CCDC149: variants seen among roughly 807,000 people sequenced by gnomAD.
CCDC149 encodes the protein coiled-coil domain-containing protein 149.
Under a neutral mutation model 59.9 loss-of-function variants are expected in CCDC149, and 45 were observed. The observed-to-expected ratio is 0.75, with a 90% CI of 0.59 to 0.96. The LOEUF (loss-of-function observed/expected upper bound fraction) is 0.96. CCDC149 is among the 40% of genes least tolerant of loss of function. The pLI is 0.00. For missense variants in CCDC149, 584 were observed against 664.7 expected, an observed-to-expected ratio of 0.88 and a Z score of 1.33; for synonymous variants, 245 against 260.6, an observed-to-expected ratio of 0.94 and a Z score of 0.58.
chr4:24,929,902 C>A (rs1534297), intron 1 of CCDC149, among the ~76,000 whole-genome samples: 15,206 of 152,202 alleles, frequency 0.1, 1,391 homozygotes, highest in East Asian at 0.28. Flanking sequence ...CCCCATCAAC[C>A]AACAAGCATG....
At chr4:24,962,071 G>C (rs1428491032) in intron 1 of CCDC149, among the ~76,000 whole-genome samples, 1 of 150,992 alleles carries the variant, frequency 6.6e-6, no homozygotes, top group Non-Finnish European at 1.5e-5. Context: ...TCTGACAAAG[G>C]GCTAATATCC....
At chr4:24,876,132 C>T (rs73250610) in intron 2 of CCDC149, among the ~76,000 whole-genome samples, 54,469 of 151,552 alleles carry the variant, frequency 0.36, 9,875 homozygotes, top group Admixed American at 0.42. Context: ...GCTATGAGAT[C>T]AAAAAAACAA....
intron 4 of CCDC149, among the ~76,000 whole-genome samples, chr4:24,849,921 G>A (rs1476810749): frequency 1.3e-5 from 2 of 152,170 alleles, no homozygotes; most frequent in Non-Finnish European, 2.9e-5. Context: ...CAAGGAGCAG[G>A]ACACTTATCC....
chr4:24,954,957 T>C (rs1171139905), intron 1 of CCDC149, among the ~76,000 whole-genome samples: 3 of 152,318 alleles, frequency 2.0e-5, no homozygotes, highest in Admixed American at 6.5e-5. Context: ...CCCTTTTAAT[T>C]ATAAATTAAA....
At chr4:24,835,178 C>G in intron 7 of CCDC149, 146 bp from the exon 8 acceptor site, 2 of 552,948 alleles carry the variant, frequency 3.6e-6, no homozygotes, top group Non-Finnish European at 3.2e-6. Flanking sequence ...AAGTCTACGC[C>G]CAAGAGTTAT....
At chr4:24,924,731 A>T (rs1036891864) in intron 1 of CCDC149, among the ~76,000 whole-genome samples, 1 of 152,174 alleles carries the variant, frequency 6.6e-6, no homozygotes, top group East Asian at 1.9e-4. Context: ...GCCTTTCATC[A>T]TCTATTCTTG....
chr4:24,899,568 G>C (rs923939437), intron 1 of CCDC149, among the ~76,000 whole-genome samples: 2 of 152,118 alleles, frequency 1.3e-5, no homozygotes, highest in African/African-American at 4.8e-5. Context: ...GCATTATCAG[G>C]GGCAGTGAAG....
intron 11 of CCDC149, 33 bp from the exon 12 acceptor site, chr4:24,820,008 T>C (rs1560200920): frequency 8.8e-6 from 13 of 1,484,526 alleles, no homozygotes; most frequent in Admixed American, 2.0e-5. Flanking sequence ...GGATGTCTTA[T>C]ATCATCAGTG....
At chr4:24,804,569 C>T (rs1214982704), downstream of CCDC149, among the ~76,000 whole-genome samples, 1 of 151,876 alleles carries the variant, frequency 6.6e-6, no homozygotes, top group African/African-American at 2.4e-5. Flanking sequence ...AAGAGGGCAC[C>T]CCATTTTTTT....
chr4:24,974,592 T>C (rs987933241), intron 1 of CCDC149, among the ~76,000 whole-genome samples: 2 of 152,214 alleles, frequency 1.3e-5, no homozygotes, highest in Non-Finnish European at 2.9e-5. Flanking sequence ...GGCTTTCTTT[T>C]TTCCTTCTCA....
intron 1 of CCDC149, among the ~76,000 whole-genome samples, chr4:24,882,733 G>A (rs770860008): frequency 1.7e-4 from 26 of 152,258 alleles, no homozygotes; most frequent in Non-Finnish European, 3.4e-4. Context: ...AATATACAGT[G>A]TGTGTACTGC....
Position 24,808,435 on chromosome 4 carries a change from T to G in CCDC149, c.1577A>C (p.Lys526Thr), listed in dbSNP as rs1286093026. 6.8e-7 allele frequency: 1 copy of G among 1,461,244 alleles called. No individual in the cohort carries two copies. Among genetic ancestry groups the G allele is most frequent in the African/African-American group, 1.4e-5 (1 of 69,984 alleles). The allele number at this position is 1,461,244 out of a possible 1,614,324, so 90.5% of individuals were successfully genotyped here. A position where few individuals can be genotyped will look rare whatever the true frequency, so the allele number is the denominator to read the frequency against. ...CATGCCTCCGCCCTCTGGGATCCCT[T>G]TGCCGTCTTCCGGTGTGGAAGCTTT... The change falls in exon 13 of 13, where the codon AAA becomes ACA. Residue 526 changes from lysine to threonine, a missense_variant. Coordinates refer to ENST00000635206, the MANE Select transcript of CCDC149 (RefSeq NM_001330643.2).
At chr4:24,853,587 CAAAAAAAAA>C (rs11291619) in intron 3 of CCDC149, among the ~76,000 whole-genome samples, 1 of 92,366 alleles carries the variant, frequency 1.1e-5, no homozygotes, top group African/African-American at 3.6e-5. Flanking sequence ...GACTCCATTT[CAAAAAAAAA>C]AAAAAAAAAA....
intron 3 of CCDC149, among the ~76,000 whole-genome samples, chr4:24,864,131 T>C (rs1488507164): frequency 6.6e-6 from 1 of 152,236 alleles, no homozygotes; most frequent in African/African-American, 2.4e-5. Context: ...GGGCTAACTT[T>C]GGGAGAAATT....
upstream of CCDC149, among the ~76,000 whole-genome samples, chr4:24,915,213 C>G (rs1277065893): frequency 6.6e-6 from 1 of 152,246 alleles, no homozygotes; most frequent in Non-Finnish European, 1.5e-5. Flanking sequence ...ACGTCTCATG[C>G]CTAAAAAGCA....
chr4:24,943,293 C>G (rs1257683912), intron 1 of CCDC149, among the ~76,000 whole-genome samples: 1 of 151,960 alleles, frequency 6.6e-6, no homozygotes, highest in Non-Finnish European at 1.5e-5. Context: ...CTTGACAAAC[C>G]TGAGAAAAAC....
At chr4:24,835,989 G>A (rs1045172476) in intron 7 of CCDC149, among the ~76,000 whole-genome samples, 1 of 152,192 alleles carries the variant, frequency 6.6e-6, no homozygotes, top group East Asian at 1.9e-4. Context: ...TGAACATGAT[G>A]GTTTAGACTG....
chr4:24,949,093 C>T (rs1560266502), intron 1 of CCDC149, among the ~76,000 whole-genome samples: 1 of 152,184 alleles, frequency 6.6e-6, no homozygotes, highest in Admixed American at 6.5e-5. Context: ...CCTAATCCTG[C>T]CCATTCAGAC....
chr4:24,837,220 C>A lies in CCDC149; in HGVS notation c.662+8G>T, dbSNP rs780726716. The stretch of plus-strand genomic sequence containing the variant: ...CTCCCACGCACAGGCCTGGGCCTGG[C>A]CACTTGCCTGTTCTCCATACACAGG... On this transcript the variant is annotated splice_region_variant and intron_variant, in intron 6 of 12. Transcript: ENST00000635206. The surrounding 1 kb of genome is among the most constrained non-coding windows in gnomAD (Gnocchi z 4.3). The A allele has an allele frequency of 3.3e-5, 53 of 1,613,726 alleles. No homozygotes were observed. The highest frequency in any genetic ancestry group is 4.2e-5 in the Non-Finnish European group (49 of 1,179,804).
Sources: allele counts gnomAD v4.1 joint callset (sites outside exome capture counted in the v4.1 genomes callset), GRCh38; gene constraint gnomAD v4.1.1; non-coding constraint Gnocchi (gnomAD v3.1); transcripts MANE v1.5; gene names NCBI Gene and HGNC (gene_info 2026-07-23, HGNC 2026-07-21).